The following DNAH5 variants were observed in gnomAD, a reference collection of about 807,000 sequenced individuals.
The protein encoded by DNAH5 is axonemal beta dynein heavy chain 5.
A neutral mutation model predicts 518.2 loss-of-function variants in DNAH5; 372 were observed. The ratio of observed to expected loss-of-function variants is 0.72; its 90% CI spans 0.66 to 0.78. The LOEUF (loss-of-function observed/expected upper bound fraction) is 0.78. Ranked by LOEUF, DNAH5 falls within the 30% of genes least tolerant of loss-of-function variation. The pLI, the probability that DNAH5 is intolerant of heterozygous loss-of-function variation, is 0.00. For synonymous variants in DNAH5, 2,039 were observed against 2,025.9 expected, an observed-to-expected ratio of 1.01 and a Z score of -0.17; for missense variants, 5,523 against 5,687.0, an observed-to-expected ratio of 0.97 and a Z score of 0.93.
chr5:13,709,691 C>A (rs1743237548), intron 75 of DNAH5, among the ~76,000 whole-genome samples: 1 of 152,114 alleles, frequency 6.6e-6, no homozygotes, highest in Admixed American at 6.5e-5. Flanking sequence ...TCTGCTCCTG[C>A]AGGACTCAGG....
intron 24 of DNAH5, among the ~76,000 whole-genome samples, chr5:13,868,756 A>C (rs1298319537): frequency 6.6e-6 from 1 of 152,194 alleles, no homozygotes; most frequent in Non-Finnish European, 1.5e-5. Flanking sequence ...TCAGTGCCAT[A>C]AACTGGATCA....
intron 47 of DNAH5, among the ~76,000 whole-genome samples, chr5:13,796,707 T>C (rs769937943): frequency 6.6e-6 from 1 of 152,022 alleles, no homozygotes; most frequent in African/African-American, 2.4e-5. Context: ...CTACTTTAAA[T>C]TTCATATGGA....
In DNAH5 at chr5:13,753,206, G is replaced by C. The variant is rs1750495471; in HGVS notation, c.10872+27C>G. The stretch of plus-strand genomic sequence containing the variant: ...CTGAGGCAATAAAACTTAACCGGTA[G>C]CATAAACATACTAAAACACAAATTA... On this transcript the variant is annotated intron_variant, in intron 63 of 78. Coordinates refer to ENST00000265104, the MANE Select transcript of DNAH5 (RefSeq NM_001369.3). 2.6e-6 allele frequency: 4 copies of C among 1,557,790 alleles called. No homozygotes were observed. The East Asian group carries it at 9.0e-5, about 35-fold the overall frequency.
chr5:13,755,963 A>G (rs555908446), intron 61 of DNAH5, among the ~76,000 whole-genome samples: 1 of 152,302 alleles, frequency 6.6e-6, no homozygotes, highest in Non-Finnish European at 1.5e-5. Context: ...TGACAATGCA[A>G]GAGAAAGAAA....
chr5:13,743,120 A>T (rs550069509), intron 65 of DNAH5, among the ~76,000 whole-genome samples: 1 of 152,200 alleles, frequency 6.6e-6, no homozygotes, highest in Non-Finnish European at 1.5e-5. Context: ...AATTAATCAC[A>T]ATAATTTTAT....
At chr5:13,994,484 A>C (rs1783791665) in intron 1 of DNAH5, among the ~76,000 whole-genome samples, 1 of 152,232 alleles carries the variant, frequency 6.6e-6, no homozygotes, top group Non-Finnish European at 1.5e-5. Context: ...ACCATGAAGA[A>C]CAAAGAGTAG....
In DNAH5 at chr5:13,751,266, T is replaced by G. The variant is rs773606612; in HGVS notation, c.11029-6A>C. On this transcript the variant is annotated splice_region_variant and splice_polypyrimidine_tract_variant and intron_variant, in intron 64 of 78. Coordinates refer to ENST00000265104, the MANE Select transcript of DNAH5 (RefSeq NM_001369.3). ...TCCTTGTCACCAACTTTCACCTTTT[T>G]TATAAAAAGAAATTTAAAAGTAATA... 14 of 1,609,618 alleles carry G rather than the reference T, an allele frequency of 8.7e-6. No individual in the cohort carries two copies. The highest frequency in any genetic ancestry group is 1.1e-5 in the Non-Finnish European group (13 of 1,177,952).
chr5:13,881,672 C>T (rs1771699367), intron 21 of DNAH5, among the ~76,000 whole-genome samples: 1 of 151,884 alleles, frequency 6.6e-6, no homozygotes, highest in African/African-American at 2.4e-5. Flanking sequence ...TTATTGGATG[C>T]AGCAAAAGCA....
intron 68 of DNAH5, 60 bp downstream of exon 68, chr5:13,735,071 G>T (rs1027034040): frequency 6.0e-6 from 9 of 1,511,820 alleles, no homozygotes; most frequent in Non-Finnish European, 7.3e-6. Flanking sequence ...ACTGCAAAGG[G>T]CTTTCACAAT....
At chr5:13,869,914 T>C (rs985888546) in intron 24 of DNAH5, among the ~76,000 whole-genome samples, 1 of 152,140 alleles carries the variant, frequency 6.6e-6, no homozygotes, top group South Asian at 2.1e-4. Context: ...GAGATGATGT[T>C]TACTCAAGTG....
At chr5:13,882,399 A>C (rs764459145) in intron 21 of DNAH5, among the ~76,000 whole-genome samples, 21 of 152,090 alleles carry the variant, frequency 1.4e-4, no homozygotes, top group Non-Finnish European at 2.6e-4. Context: ...GGTGGACATA[A>C]ATGCAAAAAT....
At chr5:13,901,140 G>T in intron 14 of DNAH5, 112 bp downstream of exon 14, 1 of 1,109,710 alleles carries the variant, frequency 9.0e-7, no homozygotes, top group Non-Finnish European at 1.3e-6. Context: ...CAACCCATCT[G>T]CCTTACAAAA....
intron 1 of DNAH5, among the ~76,000 whole-genome samples, chr5:13,932,803 C>A (rs1477547272): frequency 1.3e-5 from 2 of 152,136 alleles, no homozygotes; most frequent in Non-Finnish European, 2.9e-5. Flanking sequence ...CAAGTTGAAG[C>A]AACACAATCA....
intron 47 of DNAH5, among the ~76,000 whole-genome samples, chr5:13,801,375 G>A (rs151081760): frequency 0.014 from 2,175 of 152,178 alleles, 45 homozygotes; most frequent in Non-Finnish European, 0.018. Flanking sequence ...CACGTTTCCC[G>A]TATAGTCTGT....
chr5:13,701,860 T>C (rs1232923217), intron 76 of DNAH5, among the ~76,000 whole-genome samples: 4 of 152,228 alleles, frequency 2.6e-5, no homozygotes, highest in Non-Finnish European at 5.9e-5. Flanking sequence ...GGATTTTTAT[T>C]CACCTAAATA....
intron 18 of DNAH5, 32 bp from the exon 19 acceptor site, chr5:13,885,260 A>G (rs778017992): frequency 1.9e-6 from 3 of 1,612,018 alleles, no homozygotes; most frequent in Admixed American, 1.7e-5. Context: ...AGAGATAGAG[A>G]TAAGTTAGAT....
chr5:13,925,983 T>G lies in DNAH5; in HGVS notation c.277+2111A>C, dbSNP rs147781962. Among the ~76,000 whole-genome samples the G allele has an allele frequency of 6.2e-3, 940 of 152,202 alleles. 6 individuals are homozygous for G. The highest frequency in any genetic ancestry group is 8.3e-3 in the Non-Finnish European group (567 of 68,000). On this transcript the variant is annotated intron_variant, in intron 3 of 78. Coordinates refer to ENST00000265104, the MANE Select transcript of DNAH5 (RefSeq NM_001369.3). ...AACCCAACCACCTAAAGAGCTTGATTTATGTCTCCTGGAGTTTAGGAACAA... is the reference window on the plus strand; with the variant it reads ...AACCCAACCACCTAAAGAGCTTGATGTATGTCTCCTGGAGTTTAGGAACAA...
rs748792501 is a variant in DNAH5 at position 13,913,863 on chromosome 5, T to C, written c.1416A>G (p.Lys472=). Residue 472 remains lysine (K), a synonymous_variant, in exon 11 of 79, where the codon AAA becomes AAG. Transcript: ENST00000265104. ...CAAGGCGTCGGTGAAAAGTTTCGAA[T>C]TTTCCAAAAATATACATCTCGCTAA... is the stretch of plus-strand genomic sequence containing the variant. ...FDFSEMYIFG[K]FETFHRRLAK... The C allele has an allele frequency of 5.6e-6, 9 of 1,613,594 alleles. No homozygotes were observed. The highest frequency in any genetic ancestry group is 2.7e-5 in the African/African-American group (2 of 74,906).
intron 32 of DNAH5, among the ~76,000 whole-genome samples, chr5:13,842,405 C>T (rs13357235): frequency 1.4e-4 from 9 of 66,232 alleles, no homozygotes; most frequent in Non-Finnish European, 1.8e-4. Flanking sequence ...AGAAACAGAG[C>T]GAGAAAGAAA....
Sources: gnomAD v4.1 joint callset for allele counts (sites outside exome capture counted in the v4.1 genomes callset) on GRCh38, gnomAD v4.1.1 for gene constraint, MANE v1.5 for transcripts, NCBI Gene and HGNC (gene_info 2026-07-23, HGNC 2026-07-21) for gene names.